The following GALNTL6 variants were observed in gnomAD, a reference collection of about 807,000 sequenced individuals.
GALNTL6 encodes the protein polypeptide N-acetylgalactosaminyltransferase like 6.
Under a neutral mutation model 73.7 loss-of-function variants are expected in GALNTL6, and 46 were observed. The ratio of observed to expected loss-of-function variants is 0.62; its 90% confidence interval spans 0.49 to 0.80. The LOEUF (loss-of-function observed/expected upper bound fraction) is 0.80, where lower values mean the gene tolerates loss of function less well. GALNTL6 is among the 30% of genes least tolerant of loss of function. The probability of loss-of-function intolerance (pLI) is 0.00; values close to 1 mark genes in which losing one functional copy is unlikely to be tolerated. For synonymous variants in GALNTL6, 259 were observed against 263.7 expected (o/e 0.98, Z 0.17); for missense variants, 604 against 755.0 (o/e 0.80, Z 2.34).
At chr4:172,346,349 A>G (rs1256680550) in intron 4 of GALNTL6, among the ~76,000 whole-genome samples, 1 of 152,230 alleles carries the variant, frequency 6.6e-6, no homozygotes, top group Non-Finnish European at 1.5e-5. Context: ...TGAAACCTTC[A>G]ATATGTCCCT....
At chr4:172,715,764 A>G (rs962152633) in intron 5 of GALNTL6, among the ~76,000 whole-genome samples, 6 of 152,190 alleles carry the variant, frequency 3.9e-5, no homozygotes, top group African/African-American at 1.4e-4. Context: ...TGTAGTTGTT[A>G]GATCCATTTT....
chr4:172,485,304 G>A (rs1209172104), intron 5 of GALNTL6, among the ~76,000 whole-genome samples: 8 of 152,076 alleles, frequency 5.3e-5, no homozygotes. Context: ...AGAGACAGAC[G>A]ATAAACAGTT....
At chr4:172,699,885 A>G (rs986018504) in intron 5 of GALNTL6, among the ~76,000 whole-genome samples, 1 of 152,164 alleles carries the variant, frequency 6.6e-6, no homozygotes, top group African/African-American at 2.4e-5. Context: ...GATAGACCAA[A>G]TATCAATAAA....
At chr4:172,870,033 G>A (rs1437884831) in intron 7 of GALNTL6, among the ~76,000 whole-genome samples, 2 of 150,966 alleles carry the variant, frequency 1.3e-5, no homozygotes, top group South Asian at 2.1e-4. Context: ...GAAATACATG[G>A]GTCCAGGTGA....
chr4:172,074,469 T>TCATCCACAATTGC (rs145673905), intron 2 of GALNTL6, among the ~76,000 whole-genome samples: 1 of 152,184 alleles, frequency 6.6e-6, no homozygotes, highest in African/African-American at 2.4e-5. Context: ...TGCGGTTCTA[T>TCATCCACAATTGC]CATCCACAAT....
intron 5 of GALNTL6, among the ~76,000 whole-genome samples, chr4:172,755,018 T>C (rs1229112531): frequency 6.6e-6 from 1 of 152,108 alleles, no homozygotes; most frequent in Non-Finnish European, 1.5e-5. Flanking sequence ...TAAAAAGTAA[T>C]GCTTGATGGG....
At chr4:172,878,527 T>C (rs1034349461) in intron 7 of GALNTL6, among the ~76,000 whole-genome samples, 3 of 151,876 alleles carry the variant, frequency 2.0e-5, no homozygotes, top group African/African-American at 7.2e-5. Flanking sequence ...AAGTTTTTTA[T>C]AGTATATGTG....
intron 2 of GALNTL6, among the ~76,000 whole-genome samples, chr4:172,024,564 A>T (rs932836163): frequency 1.3e-5 from 2 of 151,918 alleles, no homozygotes; most frequent in African/African-American, 4.8e-5. Flanking sequence ...TCAATTCCCA[A>T]TATATGACAA....
intron 10 of GALNTL6, among the ~76,000 whole-genome samples, chr4:172,980,622 A>C (rs905353755): frequency 1.2e-4 from 18 of 152,096 alleles, no homozygotes; most frequent in Non-Finnish European, 7.4e-5. Flanking sequence ...ATGGTTGTGC[A>C]TATGCTGGGT....
At chr4:172,402,472 C>G (rs541025088) in intron 5 of GALNTL6, among the ~76,000 whole-genome samples, 1 of 152,176 alleles carries the variant, frequency 6.6e-6, no homozygotes, top group East Asian at 1.9e-4. Context: ...AAATCCAAAG[C>G]AGTTAACTGC....
intron 8 of GALNTL6, among the ~76,000 whole-genome samples, chr4:172,883,777 C>T (rs184302490): frequency 4.6e-4 from 70 of 151,732 alleles, no homozygotes; most frequent in African/African-American, 1.3e-3. Flanking sequence ...CTTTTTTTGC[C>T]GCCTCCCCAC....
intron 10 of GALNTL6, among the ~76,000 whole-genome samples, chr4:172,994,238 A>G (rs1163951828): frequency 6.6e-6 from 1 of 152,172 alleles, no homozygotes; most frequent in East Asian, 1.9e-4. Context: ...CTTTTTTTAT[A>G]GAAAATATCA....
intron 2 of GALNTL6, among the ~76,000 whole-genome samples, chr4:171,937,191 T>C (rs1417986056): frequency 6.6e-6 from 1 of 152,156 alleles, no homozygotes; most frequent in Non-Finnish European, 1.5e-5. Flanking sequence ...GGGGTAAGAA[T>C]TTGGCTTTAG....
chr4:172,165,105 G>C (rs983855258), intron 2 of GALNTL6, among the ~76,000 whole-genome samples: 5 of 152,046 alleles, frequency 3.3e-5, no homozygotes, highest in Non-Finnish European at 7.4e-5. Context: ...TTAATGATTT[G>C]TGTTTCTAAG....
intron 5 of GALNTL6, among the ~76,000 whole-genome samples, chr4:172,400,293 CTAT>C (rs1309298954): frequency 6.6e-6 from 1 of 152,124 alleles, no homozygotes; most frequent in African/African-American, 2.4e-5. Context: ...TACAATACTA[CTAT>C]TAACCTCTAA....
intron 2 of GALNTL6, among the ~76,000 whole-genome samples, chr4:172,021,817 G>A (rs1042837952): frequency 6.6e-6 from 1 of 151,888 alleles, no homozygotes; most frequent in African/African-American, 2.4e-5. Flanking sequence ...TTTCAACAAA[G>A]GGGCCAAAAA....
intron 10 of GALNTL6, among the ~76,000 whole-genome samples, chr4:172,954,392 TACA>T (rs1024017812): frequency 6.6e-6 from 1 of 152,342 alleles, no homozygotes; most frequent in African/African-American, 2.4e-5. Context: ...CTCATACTTT[TACA>T]ACACTTGCCT....
intron 2 of GALNTL6, among the ~76,000 whole-genome samples, chr4:171,857,774 A>C (rs1448850273): frequency 6.6e-6 from 1 of 152,210 alleles, no homozygotes; most frequent in Non-Finnish European, 1.5e-5. Flanking sequence ...TAAATTGCAC[A>C]TGAGCTGCTT....
intron 3 of GALNTL6, among the ~76,000 whole-genome samples, chr4:172,280,913 C>T (rs1488822513): frequency 2.6e-5 from 4 of 151,900 alleles, no homozygotes; most frequent in African/African-American, 9.7e-5. Flanking sequence ...GTAATCCCAG[C>T]ACTTTGGGAG....
Sources: gnomAD v4.1 joint callset for allele counts (sites outside exome capture counted in the v4.1 genomes callset) on GRCh38, gnomAD v4.1.1 for gene constraint, MANE v1.5 for transcripts, NCBI Gene and HGNC (gene_info 2026-07-23, HGNC 2026-07-21) for gene names.